The following CNTLN variants were observed in gnomAD, a reference collection of about 807,000 sequenced individuals.
CNTLN encodes centlein, centrosomal protein.
CNTLN carries 212 observed loss-of-function variants against 180.0 expected under a neutral mutation model. The observed-to-expected ratio is 1.18, with a 90% CI of 1.05 to 1.32. The LOEUF is 1.32. Among genes scored for constraint, CNTLN ranks in the 40% most tolerant of loss-of-function variants. CNTLN has a pLI of 0.00. For missense variants in CNTLN, 2,095 were observed against 1,610.9 expected, an observed-to-expected ratio of 1.30 and a Z score of -5.14; for synonymous variants, 722 against 563.1, an observed-to-expected ratio of 1.28 and a Z score of -3.99.
At chr9:17,341,748 A>G (rs1821497131) in intron 11 of CNTLN, among the ~76,000 whole-genome samples, 1 of 152,232 alleles carries the variant, frequency 6.6e-6, no homozygotes, top group African/African-American at 2.4e-5. Flanking sequence ...GGCATTTGGC[A>G]TCACTTGTAG....
At chr9:17,268,327 A>G (rs1827655528) in intron 5 of CNTLN, among the ~76,000 whole-genome samples, 2 of 152,196 alleles carry the variant, frequency 1.3e-5, no homozygotes, top group South Asian at 2.1e-4. Flanking sequence ...CCTGGGTATC[A>G]GCAGCGGTGG....
At chr9:17,153,666 C>T (rs1819056608) in intron 2 of CNTLN, among the ~76,000 whole-genome samples, 1 of 152,006 alleles carries the variant, frequency 6.6e-6, no homozygotes, top group South Asian at 2.1e-4. Context: ...ATCTTTGTGG[C>T]ATTCTCTCTA....
intron 6 of CNTLN, among the ~76,000 whole-genome samples, chr9:17,285,628 A>C: frequency 9.0e-6 from 1 of 111,708 alleles, no homozygotes; most frequent in African/African-American, 4.1e-5. Context: ...CCAACAGTGT[A>C]AAAGTGTTCC....
At chr9:17,252,771 A>G (rs1256176146) in intron 5 of CNTLN, among the ~76,000 whole-genome samples, 2 of 151,660 alleles carry the variant, frequency 1.3e-5, no homozygotes, top group African/African-American at 2.4e-5. Context: ...TTTATTTAAT[A>G]TAGTTCCATT....
intron 5 of CNTLN, among the ~76,000 whole-genome samples, chr9:17,259,891 G>T (rs1162893426): frequency 3.0e-5 from 4 of 133,882 alleles, no homozygotes; most frequent in Non-Finnish European, 4.6e-5. Flanking sequence ...TCTTGCTAGC[G>T]GTCTATCTAT....
intron 18 of CNTLN, among the ~76,000 whole-genome samples, chr9:17,422,829 C>T (rs930341838): frequency 6.6e-6 from 1 of 152,098 alleles, no homozygotes; most frequent in African/African-American, 2.4e-5. Flanking sequence ...TCTTTGGATT[C>T]TGGGCTTTTT....
chr9:17,461,113 T>C (rs1267780687), intron 19 of CNTLN, among the ~76,000 whole-genome samples: 1 of 151,448 alleles, frequency 6.6e-6, no homozygotes, highest in Admixed American at 6.6e-5. Context: ...CATCACTATA[T>C]TATAGTATAG....
At chr9:17,463,649 A>G (rs1159762273) in intron 20 of CNTLN, among the ~76,000 whole-genome samples, 1 of 151,628 alleles carries the variant, frequency 6.6e-6, no homozygotes, top group Non-Finnish European at 1.5e-5. Context: ...AGTGATATGA[A>G]TAGATAAAAG....
At chr9:17,210,832 T>G (rs1293521257) in intron 2 of CNTLN, among the ~76,000 whole-genome samples, 1 of 152,228 alleles carries the variant, frequency 6.6e-6, no homozygotes, top group Admixed American at 6.5e-5. Flanking sequence ...TTCATGTGTC[T>G]GTTGGCTGCA....
intron 18 of CNTLN, among the ~76,000 whole-genome samples, chr9:17,451,974 A>C (rs1830806209): frequency 6.6e-6 from 1 of 152,148 alleles, no homozygotes; most frequent in South Asian, 2.1e-4. Context: ...GCTATACCCG[A>C]TCCCATTCAT....
At chr9:17,362,585 G>A (rs982289161) in intron 12 of CNTLN, among the ~76,000 whole-genome samples, 3 of 152,072 alleles carry the variant, frequency 2.0e-5, no homozygotes, top group Non-Finnish European at 4.4e-5. Flanking sequence ...ACTTTTTATT[G>A]TTTGAATAAT....
chr9:17,237,372 C>G (rs1825213640), intron 5 of CNTLN, among the ~76,000 whole-genome samples: 1 of 132,228 alleles, frequency 7.6e-6, no homozygotes, highest in South Asian at 2.6e-4. Flanking sequence ...CACACACACA[C>G]ACACACACAC....
At chr9:17,176,010 TTAATTATCTATTG>T (rs146626537) in intron 2 of CNTLN, among the ~76,000 whole-genome samples, 1,951 of 152,242 alleles carry the variant, frequency 0.013, 41 homozygotes, top group African/African-American at 0.044. Context: ...CATAATCATG[TTAATTATCTATTG>T]TAATTATCTA....
chr9:17,465,929 T>C (rs1271850150), intron 21 of CNTLN, 52 bp from the exon 22 acceptor site: 1 of 1,437,562 alleles, frequency 7.0e-7, no homozygotes, highest in Non-Finnish European at 9.6e-7. Context: ...AAACACAGTA[T>C]ATTACTAGAA....
rs1337709282 is a variant in CNTLN, at chr9:17,309,136, C to T, written c.1225C>T (p.Gln409Ter). The change falls in exon 8 of 26, where the codon CAG becomes TAG. Residue 409 changes from glutamine (Q) to a stop codon, truncating the protein, a stop_gained. Coordinates refer to ENST00000380647, the MANE Select transcript of CNTLN (RefSeq NM_017738.4). LOFTEE classifies it high-confidence loss of function. ...AMLRQSVTNL[Q>*]DQLLQKEQEN... ...GCTCCGGCAAAGTGTTACTAATCTT[C>T]AGGATCAGCTATTACAAAAAGAGCA... 2 of 1,610,236 alleles carry T rather than the reference C, an allele frequency of 1.2e-6. No homozygotes were observed. The highest frequency in any genetic ancestry group is 2.2e-5 in the East Asian group (1 of 44,746).
At chr9:17,225,252 A>C (rs1431729587) in intron 2 of CNTLN, among the ~76,000 whole-genome samples, 1 of 151,916 alleles carries the variant, frequency 6.6e-6, no homozygotes, top group East Asian at 1.9e-4. Flanking sequence ...CCACACAATG[A>C]GCCTGGTTGT....
chr9:17,152,347 C>A (rs1008664618), intron 2 of CNTLN, among the ~76,000 whole-genome samples: 10 of 152,094 alleles, frequency 6.6e-5, no homozygotes, highest in Non-Finnish European at 1.5e-5. Context: ...CCCAGAGATT[C>A]GGGTATGTTG....
chr9:17,157,150 A>C (rs1819352397), intron 2 of CNTLN, among the ~76,000 whole-genome samples: 2 of 152,234 alleles, frequency 1.3e-5, no homozygotes, highest in African/African-American at 2.4e-5. Flanking sequence ...AACTTCAGCC[A>C]GCATGTTTTG....
intron 18 of CNTLN, among the ~76,000 whole-genome samples, chr9:17,437,792 G>C (rs529298401): frequency 2.0e-4 from 30 of 152,204 alleles, no homozygotes; most frequent in South Asian, 4.1e-4. Flanking sequence ...AAAGGAAACT[G>C]TGAGATATAG....
Sources: allele counts gnomAD v4.1 joint callset (sites outside exome capture counted in the v4.1 genomes callset), GRCh38; gene constraint gnomAD v4.1.1; transcripts MANE v1.5; gene names NCBI Gene and HGNC (gene_info 2026-07-23, HGNC 2026-07-21).